Variants in KIF6 observed in about 807,000 individuals in gnomAD.
KIF6 encodes kinesin-like protein KIF6.
In KIF6, 106 loss-of-function variants were observed where a neutral mutation model predicts 112.7. That is an observed-to-expected ratio of 0.94 (90% CI 0.80 to 1.11). KIF6 has a LOEUF of 1.11. Ranked by LOEUF, KIF6 falls within the 50% of genes least tolerant of loss-of-function variation. The pLI is 0.00. For synonymous variants in KIF6, 339 were observed against 339.9 expected (o/e 1.00, Z 0.03); for missense variants, 929 against 964.0 (o/e 0.96, Z 0.48).
chr6:39,387,057 A>G (rs754396668), intron 15 of KIF6, among the ~76,000 whole-genome samples: 10 of 152,200 alleles, frequency 6.6e-5, no homozygotes, highest in Admixed American at 6.5e-4. Flanking sequence ...CTAGAATGTT[A>G]TAATTGGGAG....
intron 13 of KIF6, among the ~76,000 whole-genome samples, chr6:39,489,571 T>A (rs1775338359): frequency 6.6e-6 from 1 of 151,156 alleles, no homozygotes; most frequent in Non-Finnish European, 1.5e-5. Context: ...CAGAAAGGAG[T>A]GACAACAGTG....
intron 3 of KIF6, among the ~76,000 whole-genome samples, chr6:39,655,472 T>G (rs1160053398): frequency 6.6e-6 from 1 of 152,152 alleles, no homozygotes; most frequent in East Asian, 1.9e-4. Context: ...AAGTCAAATT[T>G]TTTTCTTCAT....
chr6:39,652,152 T>A (rs1216477570), intron 3 of KIF6, among the ~76,000 whole-genome samples: 1 of 152,194 alleles, frequency 6.6e-6, no homozygotes, highest in African/African-American at 2.4e-5. Context: ...GTGAGACACA[T>A]ATCCTACTAT....
At chr6:39,659,914 C>T (rs1006797732) in intron 3 of KIF6, among the ~76,000 whole-genome samples, 1 of 152,160 alleles carries the variant, frequency 6.6e-6, no homozygotes, top group Non-Finnish European at 1.5e-5. Flanking sequence ...ATTTACTTAG[C>T]CTCAAAGAAA....
chr6:39,525,203 G>T (rs1046955600), intron 13 of KIF6, among the ~76,000 whole-genome samples: 1 of 151,992 alleles, frequency 6.6e-6, no homozygotes, highest in Non-Finnish European at 1.5e-5. Flanking sequence ...AGTTGCAGTG[G>T]TATGATCTCA....
At chr6:39,669,336 T>C (rs1786669214) in intron 3 of KIF6, among the ~76,000 whole-genome samples, 2 of 152,218 alleles carry the variant, frequency 1.3e-5, no homozygotes, top group South Asian at 4.1e-4. Flanking sequence ...AGTTCTTTAC[T>C]CTCTGAATAC....
Position 39,474,553 on chromosome 6 carries a change from A to G in KIF6, c.1646-43392T>C, listed in dbSNP as rs372491061. On this transcript the variant is annotated intron_variant, in intron 13 of 22. Coordinates refer to ENST00000287152, the MANE Select transcript of KIF6 (RefSeq NM_145027.6). ...ACATCTTATAAACCTTGTATTTCAC[A>G]TCAGAATGCCAGACTCAAATATTTC... Among the ~76,000 whole-genome samples, 5 of 152,356 alleles carry G rather than the reference A, an allele frequency of 3.3e-5. No homozygotes were observed. The East Asian group carries it at 9.7e-4, about 29-fold the overall frequency.
intron 6 of KIF6, among the ~76,000 whole-genome samples, chr6:39,600,197 T>C (rs1404610742): frequency 3.9e-5 from 6 of 152,196 alleles, no homozygotes; most frequent in Admixed American, 2.0e-4. Flanking sequence ...TAAGAACAGA[T>C]GGCACCATTT....
intron 2 of KIF6, among the ~76,000 whole-genome samples, chr6:39,719,442 G>A (rs1375656937): frequency 2.6e-5 from 4 of 152,222 alleles, no homozygotes; most frequent in East Asian, 1.9e-4. Flanking sequence ...TTGTAAAACA[G>A]TCTAGAGATA....
At chr6:39,410,261 T>G (rs1010498103) in intron 15 of KIF6, among the ~76,000 whole-genome samples, 2 of 152,264 alleles carry the variant, frequency 1.3e-5, no homozygotes, top group Non-Finnish European at 2.9e-5. Flanking sequence ...ATGTCAAGAA[T>G]GTACATTACT....
At chr6:39,514,434 G>A (rs1393384335) in intron 13 of KIF6, among the ~76,000 whole-genome samples, 1 of 152,224 alleles carries the variant, frequency 6.6e-6, no homozygotes, top group Non-Finnish European at 1.5e-5. Flanking sequence ...GAGGACATGT[G>A]AGATCGAAAC....
At chr6:39,536,717 A>G (rs1376934724) in intron 13 of KIF6, among the ~76,000 whole-genome samples, 1 of 151,356 alleles carries the variant, frequency 6.6e-6, no homozygotes. Context: ...TCATTTTATG[A>G]GGCCAGCATC....
chr6:39,642,348 C>T lies in KIF6; in HGVS notation c.252-2591G>A, dbSNP rs116840022. On this transcript the variant is annotated intron_variant, in intron 3 of 22. Transcript: ENST00000287152. The stretch of plus-strand genomic sequence containing the variant: ...AACCATGAGCTTTGTGGTATTTTAA[C>T]TTCAACATTCCCAGCACCTCTCCCT... 3.6e-3 allele frequency among the ~76,000 whole-genome samples: 553 copies of T among 152,252 alleles called. 2 individuals carry two copies. The highest frequency in any genetic ancestry group is 0.013 in the African/African-American group (528 of 41,546).
chr6:39,402,482 G>A (rs919509886), intron 15 of KIF6, among the ~76,000 whole-genome samples: 2 of 152,038 alleles, frequency 1.3e-5, no homozygotes, highest in African/African-American at 2.4e-5. Context: ...ATAACCAAAC[G>A]GTCTTTAAGT....
chr6:39,357,700 T>G (rs567618257), intron 18 of KIF6, among the ~76,000 whole-genome samples: 1 of 152,258 alleles, frequency 6.6e-6, no homozygotes, highest in African/African-American at 2.4e-5. Context: ...CTGCTCACCT[T>G]GGCCTCCCAA....
chr6:39,394,642 G>T (rs1049077427), intron 15 of KIF6, among the ~76,000 whole-genome samples: 1 of 152,200 alleles, frequency 6.6e-6, no homozygotes, highest in Admixed American at 6.5e-5. Context: ...TCCTTCCATG[G>T]GTTCCTCAAA....
intron 13 of KIF6, among the ~76,000 whole-genome samples, chr6:39,498,242 T>A (rs1220755823): frequency 6.6e-6 from 1 of 152,216 alleles, no homozygotes; most frequent in South Asian, 2.1e-4. Flanking sequence ...GAACTCATGA[T>A]GAAAACACCA....
At chr6:39,541,647 G>A (rs561731433) in intron 12 of KIF6, among the ~76,000 whole-genome samples, 19 of 152,326 alleles carry the variant, frequency 1.2e-4, no homozygotes, top group Non-Finnish European at 2.2e-4. Flanking sequence ...GGGGAAAGAC[G>A]TCTCACACAT....
At position 39,540,195 on chromosome 6, in the gene KIF6, C is replaced by T. The variant is rs1778710925; in HGVS notation, c.1453G>A (p.Glu485Lys). 2.5e-6 allele frequency: 4 copies of T among 1,610,986 alleles called. No individual in the cohort carries two copies. The highest frequency in any genetic ancestry group is 3.4e-6 in the Non-Finnish European group (4 of 1,179,202). Residue 485 changes from glutamate (E) to lysine (K), a missense_variant, in exon 13 of 23, where the codon GAA (glutamate) becomes AAA (lysine). Glu to Lys is a moderately conservative substitution (Grantham distance 56). Around this residue, in one of 2 missense-constraint regions of KIF6, gnomAD observed 688 missense variants for 662.7 expected, o/e 1.04. Coordinates refer to ENST00000287152, the MANE Select transcript of KIF6 (RefSeq NM_145027.6). ...AGAGCCTCCTGAGCTTTCTTCTTTTCTTTTTTTAACATGTTGACCAGGATA... is the reference window on the plus strand; with the variant it reads ...AGAGCCTCCTGAGCTTTCTTCTTTTTTTTTTTTAACATGTTGACCAGGATA... ...INILVNMLKKEKKKAQEALHL... is the reference protein window; with the variant it reads ...INILVNMLKKKKKKAQEALHL...
Sources: allele counts gnomAD v4.1 joint callset (sites outside exome capture counted in the v4.1 genomes callset), GRCh38; gene constraint gnomAD v4.1.1; regional missense constraint gnomAD v4.1.1; transcripts MANE v1.5; gene names NCBI Gene and HGNC (gene_info 2026-07-23, HGNC 2026-07-21).